The following ANKS1B variants were observed in gnomAD, a reference collection of about 807,000 sequenced individuals.
ANKS1B encodes ankyrin repeat and sterile alpha motif domain containing 1B, also known as ankyrin repeat and sterile alpha motif domain-containing protein 1B.
A neutral mutation model predicts 148.3 loss-of-function variants in ANKS1B; 36 were observed. That is an observed-to-expected ratio of 0.24 (90% confidence interval 0.19 to 0.32). The LOEUF (loss-of-function observed/expected upper bound fraction) is 0.32. Among genes scored for constraint, ANKS1B ranks in the 10% least tolerant of loss-of-function variants. The pLI is 1.00. For synonymous variants in ANKS1B, 542 were observed against 560.8 expected (o/e 0.97, Z 0.47); for missense variants, 1,157 against 1,542.6 (o/e 0.75, Z 4.19).
chr12:99,130,230 C>T (rs941916529), intron 15 of ANKS1B, among the ~76,000 whole-genome samples: 2 of 152,118 alleles, frequency 1.3e-5, no homozygotes, highest in Non-Finnish European at 1.5e-5. Flanking sequence ...TATTTCTTAA[C>T]ATATGATTTT....
intron 17 of ANKS1B, among the ~76,000 whole-genome samples, chr12:99,042,818 C>T (rs2099959935): frequency 6.6e-6 from 1 of 152,172 alleles, no homozygotes; most frequent in Admixed American, 6.5e-5. Flanking sequence ...AGTGACTTGA[C>T]CAAAGTGCTT....
At chr12:99,271,550 T>G (rs1484841123) in intron 12 of ANKS1B, among the ~76,000 whole-genome samples, 1 of 151,132 alleles carries the variant, frequency 6.6e-6, no homozygotes, top group Non-Finnish European at 1.5e-5. Flanking sequence ...TTAAAATAAT[T>G]AGTTAAGAGA....
At chr12:98,894,904 GCCCCCCGCGCGGCGCGTGCCCCCCA>G (rs1289844756) in intron 17 of ANKS1B, 4 of 893,594 alleles carry the variant, frequency 4.5e-6, no homozygotes, top group Non-Finnish European at 5.3e-6. Context: ...CACTGCCCCC[GCCCCCCGCGCGGCGCGTGCCCCCCA>G]CCCCCCGCCG....
At chr12:99,088,390 T>C (rs768672400) in intron 15 of ANKS1B, among the ~76,000 whole-genome samples, 11 of 152,190 alleles carry the variant, frequency 7.2e-5, no homozygotes, top group Non-Finnish European at 1.2e-4. Context: ...TTAATGAATA[T>C]GTATTCAGTT....
chr12:99,564,379 C>T (rs987851395), intron 9 of ANKS1B, among the ~76,000 whole-genome samples: 28 of 151,102 alleles, frequency 1.9e-4, no homozygotes, highest in African/African-American at 6.6e-4. Context: ...AAATTGATTG[C>T]TCAGTGAAAA....
At chr12:99,585,004 G>T (rs1182366948) in intron 9 of ANKS1B, among the ~76,000 whole-genome samples, 2 of 152,086 alleles carry the variant, frequency 1.3e-5, no homozygotes, top group Non-Finnish European at 2.9e-5. Context: ...CAAATCTCAT[G>T]TTCTCGCATT....
chr12:99,194,248 T>A (rs1346265513), intron 14 of ANKS1B, among the ~76,000 whole-genome samples: 1 of 152,162 alleles, frequency 6.6e-6, no homozygotes, highest in African/African-American at 2.4e-5. Context: ...AACATATGAA[T>A]ACATGTATTT....
intron 17 of ANKS1B, among the ~76,000 whole-genome samples, chr12:99,008,008 C>A (rs911314532): frequency 6.6e-6 from 1 of 151,902 alleles, no homozygotes; most frequent in Non-Finnish European, 1.5e-5. Flanking sequence ...ACACTGCTTG[C>A]ATTTTTCTTT....
chr12:99,674,285 T>C (rs1344733702), intron 8 of ANKS1B, among the ~76,000 whole-genome samples: 2 of 151,880 alleles, frequency 1.3e-5, no homozygotes, highest in Non-Finnish European at 3.0e-5. Flanking sequence ...GCTGAAACTT[T>C]GTCATATTTT....
chr12:99,426,468 G>T lies in ANKS1B; in HGVS notation c.1575+17205C>A, dbSNP rs529762151. ...TTCAATTTAGCATTTATTGCTTGCT[G>T]TCTCATACAACTGTTCTAAGAATTC... is the stretch of plus-strand genomic sequence containing the variant. On this transcript the variant is annotated intron_variant, in intron 11 of 26. Coordinates refer to ENST00000683438, the MANE Select transcript of ANKS1B (RefSeq NM_001352186.2). Among the ~76,000 whole-genome samples, 16 of 152,230 alleles carry T rather than the reference G, an allele frequency of 1.1e-4. 1 individual carries two copies. The South Asian group carries it at 1.2e-3, about 12-fold the overall frequency.
chr12:99,105,124 T>C (rs2058859151), intron 15 of ANKS1B: 1 of 152,224 alleles, frequency 6.6e-6, no homozygotes, highest in African/African-American at 2.4e-5. Flanking sequence ...TGGGAGACCA[T>C]CTAGAAAAGT....
At chr12:99,959,680 A>G (rs1303585721) in intron 1 of ANKS1B, among the ~76,000 whole-genome samples, 1 of 152,216 alleles carries the variant, frequency 6.6e-6, no homozygotes, top group East Asian at 1.9e-4. Context: ...AAAAAAAAGC[A>G]TAACGCTTGC....
intron 4 of ANKS1B, 49 bp from the exon 5 acceptor site, chr12:99,782,146 G>A (rs1207288755): frequency 2.8e-6 from 4 of 1,427,004 alleles, no homozygotes; most frequent in Non-Finnish European, 3.8e-6. Context: ...CATTTGGAAT[G>A]CTTACAGGTT....
Position 99,780,518 on chromosome 12 carries a change from G to A in ANKS1B, c.746-546C>T, listed in dbSNP as rs903977380. On this transcript the variant is annotated intron_variant, in intron 5 of 26. Transcript: ENST00000683438. Reference sequence around the variant, plus strand: ...AGGATGGTCTCGATATCCTGACCTCGTGATCTGCCCACCTTGGCCTCCCAA... The same window carrying A: ...AGGATGGTCTCGATATCCTGACCTCATGATCTGCCCACCTTGGCCTCCCAA... Among the ~76,000 whole-genome samples, 18 of 151,606 alleles carry A rather than the reference G, an allele frequency of 1.2e-4. No homozygotes were observed. The South Asian group carries it at 1.7e-3, about 14-fold the overall frequency.
Position 99,943,254 on chromosome 12 carries a change from C to T in ANKS1B, c.134+40850G>A, listed in dbSNP as rs555838651. Among the ~76,000 whole-genome samples the T allele has an allele frequency of 2.7e-4, 41 of 152,184 alleles. No individual in the cohort carries two copies. In the South Asian group the frequency reaches 7.1e-3, roughly 26 times the overall value. On this transcript the variant is annotated intron_variant, in intron 1 of 26. Coordinates refer to ENST00000683438, the MANE Select transcript of ANKS1B (RefSeq NM_001352186.2). Reference sequence around the variant, plus strand: ...TTTCTTTGTTTAAGGCCATTTAAGCCGAGCTTTTTGATAATTTCAAGTAAA... The same window carrying T: ...TTTCTTTGTTTAAGGCCATTTAAGCTGAGCTTTTTGATAATTTCAAGTAAA...
intron 25 of ANKS1B, among the ~76,000 whole-genome samples, chr12:98,772,691 G>A (rs2098603310): frequency 1.3e-5 from 2 of 152,064 alleles, no homozygotes; most frequent in African/African-American, 4.8e-5. Context: ...ATGACACATG[G>A]GAATTATGGG....
chr12:98,874,775 G>A (rs1209344931), intron 17 of ANKS1B, among the ~76,000 whole-genome samples: 1 of 152,086 alleles, frequency 6.6e-6, no homozygotes, highest in Non-Finnish European at 1.5e-5. Context: ...CACATGAAAG[G>A]AGAAAAATGA....
At chr12:99,638,824 C>T (rs976670582) in intron 9 of ANKS1B, among the ~76,000 whole-genome samples, 1 of 152,146 alleles carries the variant, frequency 6.6e-6, no homozygotes, top group Admixed American at 6.5e-5. Context: ...TCCAGGGTCC[C>T]CCGTGCTGCC....
intron 25 of ANKS1B, among the ~76,000 whole-genome samples, chr12:98,768,426 TAA>T (rs386377533): frequency 3.9e-4 from 18 of 46,696 alleles, no homozygotes; most frequent in Admixed American, 1.4e-3. Flanking sequence ...GGGTGCTCTC[TAA>T]AAAAAAAAAA....
Sources: gnomAD v4.1 joint callset for allele counts (sites outside exome capture counted in the v4.1 genomes callset) on GRCh38, gnomAD v4.1.1 for gene constraint, MANE v1.5 for transcripts, NCBI Gene and HGNC (gene_info 2026-07-23, HGNC 2026-07-21) for gene names.